Variants in DOCK1 observed in about 807,000 individuals in gnomAD.
DOCK1 encodes dedicator of cytokinesis 1.
A neutral mutation model predicts 262.7 loss-of-function variants in DOCK1; 138 were observed. That is an observed-to-expected ratio of 0.53 (90% CI 0.46 to 0.61). The LOEUF (loss-of-function observed/expected upper bound fraction) is 0.61, where lower values mean the gene tolerates loss of function less well. Ranked by LOEUF, DOCK1 falls within the 20% of genes least tolerant of loss-of-function variation. DOCK1 has a pLI of 0.00. For missense variants in DOCK1, 1,908 were observed against 2,370.7 expected, an observed-to-expected ratio of 0.80 and a Z score of 4.05; for synonymous variants, 866 against 867.4, an observed-to-expected ratio of 1.00 and a Z score of 0.03.
chr10:127,008,779 A>G lies in DOCK1; in HGVS notation c.1033A>G (p.Lys345Glu). Residue 345 changes from lysine (K) to glutamate (E), a missense_variant, in exon 11 of 52, where the codon AAG becomes GAG. Around this residue, in one of 9 missense-constraint regions of DOCK1, gnomAD observed 102 missense variants for 154.9 expected, o/e 0.66. Transcript: ENST00000623213. ...AAATGGAAAAGTAGATGATGAAGAT[A>G]AGCAGCATTTCATTCCCTTTCAGCC... ...IINGKVDDEDKQHFIPFQPLA... is the reference protein window; with the variant it reads ...IINGKVDDEDEQHFIPFQPLA... 1 of 1,601,428 alleles carries G rather than the reference A, an allele frequency of 6.2e-7. No individual in the cohort carries two copies. Among genetic ancestry groups the G allele is most frequent in the Non-Finnish European group, 8.5e-7 (1 of 1,173,390 alleles).
chr10:127,332,823 C>A (rs2063041543), intron 29 of DOCK1, among the ~76,000 whole-genome samples: 1 of 152,182 alleles, frequency 6.6e-6, no homozygotes, highest in African/African-American at 2.4e-5. Flanking sequence ...GCCACCCTGC[C>A]AAGTGTGGGG....
At chr10:127,320,353 C>G (rs535985311) in intron 29 of DOCK1, among the ~76,000 whole-genome samples, 3 of 152,176 alleles carry the variant, frequency 2.0e-5, no homozygotes, top group Non-Finnish European at 2.9e-5. Context: ...GCCGCCAACA[C>G]GCAGGGGCCA....
At chr10:127,200,469 G>T (rs1457159737) in intron 27 of DOCK1, among the ~76,000 whole-genome samples, 1 of 152,080 alleles carries the variant, frequency 6.6e-6, no homozygotes, top group Non-Finnish European at 1.5e-5. Context: ...TGTTGCCCAG[G>T]CTAGAGTGGC....
intron 1 of DOCK1, among the ~76,000 whole-genome samples, chr10:126,930,595 C>G (rs1164928264): frequency 1.3e-5 from 2 of 152,198 alleles, no homozygotes; most frequent in Admixed American, 1.3e-4. Context: ...AGGGCTGGCC[C>G]TCTCCAGCCT....
chr10:127,259,823 T>C (rs1183225222), intron 29 of DOCK1, among the ~76,000 whole-genome samples: 1 of 151,470 alleles, frequency 6.6e-6, no homozygotes, highest in African/African-American at 2.4e-5. Flanking sequence ...TGAGAGCCTG[T>C]TTTCAGTTGG....
intron 37 of DOCK1, among the ~76,000 whole-genome samples, chr10:127,382,708 A>G (rs2065888306): frequency 6.6e-6 from 1 of 152,212 alleles, no homozygotes; most frequent in Non-Finnish European, 1.5e-5. Context: ...CTTTTACCCC[A>G]GGGAAATTAA....
In DOCK1 at chr10:127,415,163, C is replaced by G. The variant is rs760423213; in HGVS notation, c.4440C>G (p.Ile1480Met). The change falls in exon 44 of 52, where the codon ATC becomes ATG. Residue 1480 changes from isoleucine to methionine, a missense_variant. Physicochemically the swap from Ile to Met is conservative, Grantham distance 10. This residue lies in a region of DOCK1 where 267 missense variants were observed against 366.3 expected (regional missense o/e 0.73). Coordinates refer to ENST00000623213, the MANE Select transcript of DOCK1 (RefSeq NM_001290223.2). Reference sequence around the variant, plus strand: ...TGTTTCCTTTGCAGAATATGTGGATCGAGAGAACCATATATACAACTGCAT... The same window carrying G: ...TGTTTCCTTTGCAGAATATGTGGATGGAGAGAACCATATATACAACTGCAT... ...NPDNEFANMW[I>M]ERTIYTTAYK... is the part of the protein sequence containing the mutation. The G allele has an allele frequency of 9.3e-6, 15 of 1,612,862 alleles. No individual in the cohort carries two copies. Among genetic ancestry groups the G allele is most frequent in the Non-Finnish European group, 1.7e-6 (2 of 1,179,704 alleles).
rs761310036 is a variant in DOCK1 at position 127,032,144 on chromosome 10, C to T, written c.1736C>T (p.Ala579Val). Residue 579 changes from alanine (A) to valine (V), a missense_variant, in exon 18 of 52, where the codon GCA becomes GTA. This residue lies in a region of DOCK1 where 294 missense variants were observed against 439.9 expected (regional missense o/e 0.67). Transcript: ENST00000623213. ...EHDLIVYKAE[A>V]KKLEDAATYL... ...GCATGACTAAATCCACAGGCCGAAG[C>T]AAAGAAGCTGGAAGATGCTGCCACG... is the stretch of plus-strand genomic sequence containing the variant. The T allele has an allele frequency of 2.5e-6, 4 of 1,589,932 alleles. No individual in the cohort carries two copies. The highest frequency in any genetic ancestry group is 2.6e-6 in the Non-Finnish European group (3 of 1,168,016).
At chr10:127,068,667 G>T (rs978058707) in intron 23 of DOCK1, among the ~76,000 whole-genome samples, 10 of 152,142 alleles carry the variant, frequency 6.6e-5, no homozygotes, top group African/African-American at 2.4e-4. Context: ...TAGCATTTTT[G>T]TTTTTACAGT....
At chr10:127,266,227 G>T (rs1564950369) in intron 29 of DOCK1, among the ~76,000 whole-genome samples, 2 of 152,166 alleles carry the variant, frequency 1.3e-5, no homozygotes, top group African/African-American at 4.8e-5. Context: ...TGAAATCATG[G>T]TTATAAAGCA....
At chr10:127,378,510 G>A (rs2065648059) in intron 35 of DOCK1, among the ~76,000 whole-genome samples, 1 of 152,170 alleles carries the variant, frequency 6.6e-6, no homozygotes, top group African/African-American at 2.4e-5. Context: ...TAGAAATTGG[G>A]ATTGGAGATG....
intron 1 of DOCK1, among the ~76,000 whole-genome samples, chr10:126,921,178 C>T (rs2033151733): frequency 1.5e-5 from 2 of 130,732 alleles, no homozygotes; most frequent in Admixed American, 1.8e-4. Flanking sequence ...CCAGTCTGAG[C>T]AGAAGAGTAA....
At chr10:127,395,503 C>T (rs764087454) in intron 38 of DOCK1, among the ~76,000 whole-genome samples, 34 of 152,212 alleles carry the variant, frequency 2.2e-4, no homozygotes, top group Non-Finnish European at 3.7e-4. Flanking sequence ...CACAAATATT[C>T]AGAGCATAGC....
intron 1 of DOCK1, among the ~76,000 whole-genome samples, chr10:126,913,096 A>G (rs745666351): frequency 1.3e-5 from 2 of 151,928 alleles, no homozygotes; most frequent in African/African-American, 2.4e-5. Flanking sequence ...AGATCTGGAA[A>G]TTCCTTGTAA....
intron 11 of DOCK1, among the ~76,000 whole-genome samples, chr10:127,011,888 A>G (rs1023967207): frequency 1.3e-5 from 2 of 152,056 alleles, no homozygotes; most frequent in South Asian, 4.2e-4. Context: ...ATGGCCATAA[A>G]CATTCTTTGG....
At position 127,098,815 on chromosome 10, in the gene DOCK1, G is replaced by T. The variant is rs10829370; in HGVS notation, c.2446-7416G>T. 6.7e-3 allele frequency among the ~76,000 whole-genome samples: 1,025 copies of T among 152,304 alleles called. 6 individuals are homozygous for T. Among genetic ancestry groups the T allele is most frequent in the Admixed American group, 0.012 (181 of 15,294 alleles). On this transcript the variant is annotated intron_variant, in intron 23 of 51. Transcript: ENST00000623213. ...ATGTCCCCTGCTTCGTCTGTTGGGT[G>T]CTCTGTGTCTTGACAAGCTATTGAG...
intron 6 of DOCK1, among the ~76,000 whole-genome samples, chr10:126,991,772 AC>A (rs1480532460): frequency 6.6e-6 from 1 of 151,854 alleles, no homozygotes; most frequent in Non-Finnish European, 1.5e-5. Context: ...CAGGTGATCC[AC>A]CCGCCTTGGC....
chr10:127,226,909 C>T (rs2058665312), intron 27 of DOCK1, among the ~76,000 whole-genome samples: 1 of 152,170 alleles, frequency 6.6e-6, no homozygotes, highest in Non-Finnish European at 1.5e-5. Context: ...GCACCCAAGT[C>T]ACCCCGTCAT....
At chr10:127,053,202 C>T (rs1386343718) in intron 22 of DOCK1, among the ~76,000 whole-genome samples, 5 of 152,196 alleles carry the variant, frequency 3.3e-5, no homozygotes, top group Non-Finnish European at 4.4e-5. Context: ...ATAGGCCGGG[C>T]GCAGTGGCTC....
Sources: allele counts gnomAD v4.1 joint callset (sites outside exome capture counted in the v4.1 genomes callset), GRCh38; gene constraint gnomAD v4.1.1; regional missense constraint gnomAD v4.1.1; transcripts MANE v1.5; gene names NCBI Gene and HGNC (gene_info 2026-07-23, HGNC 2026-07-21).